The following NXPE4 variants were observed in gnomAD, a reference collection of about 807,000 sequenced individuals.
NXPE4 encodes the protein neurexophilin and PC-esterase domain family member 4, also known as NXPE family member 4.
Under a neutral mutation model 33.3 loss-of-function variants are expected in NXPE4, and 42 were observed. The observed-to-expected ratio is 1.26, with a 90% CI of 0.98 to 1.63. The LOEUF is 1.63. NXPE4 is among the 40% of genes most tolerant of loss of function. The pLI is 0.00. For synonymous variants in NXPE4, 253 were observed against 234.9 expected, an observed-to-expected ratio of 1.08 and a Z score of -0.71; for missense variants, 709 against 647.6, an observed-to-expected ratio of 1.09 and a Z score of -1.03.
the NXPE4 span, among the ~76,000 whole-genome samples, chr11:114,663,110 A>G: frequency 6.6e-6 from 1 of 152,098 alleles, no homozygotes; most frequent in South Asian, 2.1e-4. Flanking sequence ...CATTCACCAA[A>G]GGCTGACTGA....
chr11:114,613,183 C>G, the NXPE4 span, among the ~76,000 whole-genome samples: 1 of 151,682 alleles, frequency 6.6e-6, no homozygotes, highest in Non-Finnish European at 1.5e-5. Context: ...AGTGTTGCCT[C>G]TAGGGTAACC....
chr11:114,590,045 G>T (rs1185377418), intron 2 of NXPE4, among the ~76,000 whole-genome samples: 3 of 152,160 alleles, frequency 2.0e-5, no homozygotes, highest in African/African-American at 7.2e-5. Context: ...TTTGAAGAAT[G>T]CTTCTGGCCA....
chr11:114,586,619 G>A lies in NXPE4; in HGVS notation c.97-3598C>T, dbSNP rs933189455. On this transcript the variant is annotated intron_variant, in intron 2 of 5. Coordinates refer to ENST00000375478, the MANE Select transcript of NXPE4 (RefSeq NM_001077639.2). The stretch of plus-strand genomic sequence containing the variant: ...TTGGTTTCCTTTTACAGAGAGCCTT[G>A]CTGTCATGTGGGGCTGGAAGAGGTT... 5.0e-4 allele frequency among the ~76,000 whole-genome samples: 76 copies of A among 152,210 alleles called. 1 individual carries two copies. The highest frequency in any genetic ancestry group is 1.5e-3 in the African/African-American group (62 of 41,532).
At chr11:114,655,310 CA>C in the NXPE4 span, among the ~76,000 whole-genome samples, 1 of 152,148 alleles carries the variant, frequency 6.6e-6, no homozygotes, top group Non-Finnish European at 1.5e-5. Flanking sequence ...TTTTGCTGTG[CA>C]AAAACTCTTT....
intron 2 of NXPE4, among the ~76,000 whole-genome samples, chr11:114,594,365 A>G (rs1016715426): frequency 5.3e-5 from 8 of 152,178 alleles, no homozygotes; most frequent in Non-Finnish European, 7.4e-5. Flanking sequence ...AACCAAAAAT[A>G]TAGATATTCT....
At chr11:114,643,390 G>A in the NXPE4 span, among the ~76,000 whole-genome samples, 11 of 152,062 alleles carry the variant, frequency 7.2e-5, no homozygotes, top group African/African-American at 2.4e-4. Flanking sequence ...ATAGCTTTAG[G>A]TCTTACATTT....
At chr11:114,657,048 T>C in the NXPE4 span, among the ~76,000 whole-genome samples, 2 of 152,096 alleles carry the variant, frequency 1.3e-5, no homozygotes, top group Non-Finnish European at 2.9e-5. Flanking sequence ...GAGCTGAGAT[T>C]GCGCCACTGC....
the NXPE4 span, among the ~76,000 whole-genome samples, chr11:114,656,576 A>T: frequency 3.9e-5 from 6 of 152,222 alleles, no homozygotes; most frequent in Non-Finnish European, 7.4e-5. Flanking sequence ...TGATAAGTTA[A>T]TTGCATGAAA....
the NXPE4 span, among the ~76,000 whole-genome samples, chr11:114,668,005 A>T: frequency 6.6e-6 from 1 of 152,042 alleles, no homozygotes; most frequent in Non-Finnish European, 1.5e-5. Context: ...CACTATTTGT[A>T]ACAGTGAGGT....
chr11:114,605,269 A>G, the NXPE4 span, among the ~76,000 whole-genome samples: 1 of 151,834 alleles, frequency 6.6e-6, no homozygotes, highest in Admixed American at 6.6e-5. Flanking sequence ...GTGGGAAACC[A>G]CTGTTACCTG....
At chr11:114,587,171 CT>C (rs1357567767) in intron 2 of NXPE4, among the ~76,000 whole-genome samples, 1 of 152,138 alleles carries the variant, frequency 6.6e-6, no homozygotes. Context: ...AACAAGAAAA[CT>C]CTGTCTTCAA....
At chr11:114,641,886 G>T in the NXPE4 span, among the ~76,000 whole-genome samples, 2 of 152,094 alleles carry the variant, frequency 1.3e-5, no homozygotes, top group South Asian at 4.2e-4. Flanking sequence ...CATCTGAATT[G>T]GTGTTCTCAT....
chr11:114,620,235 T>C, the NXPE4 span, among the ~76,000 whole-genome samples: 6 of 146,616 alleles, frequency 4.1e-5, no homozygotes, highest in Non-Finnish European at 7.5e-5. Flanking sequence ...CTGTTATCCG[T>C]TGGATAATAA....
At chr11:114,602,286 GTTATCT>G in the NXPE4 span, among the ~76,000 whole-genome samples, 1 of 111,886 alleles carries the variant, frequency 8.9e-6, no homozygotes, top group Non-Finnish European at 1.6e-5. Context: ...CTATATATAT[GTTATCT>G]ATAACATATA....
the NXPE4 span, among the ~76,000 whole-genome samples, chr11:114,617,681 A>G: frequency 6.6e-6 from 1 of 152,140 alleles, no homozygotes; most frequent in Non-Finnish European, 1.5e-5. Flanking sequence ...TACCCGGTGG[A>G]TAAAAAGTAC....
At chr11:114,619,263 A>G in the NXPE4 span, among the ~76,000 whole-genome samples, 110 of 145,422 alleles carry the variant, frequency 7.6e-4, no homozygotes, top group African/African-American at 2.0e-3. Flanking sequence ...TGAGTAATCA[A>G]TGGTACCTGG....
chr11:114,650,787 G>T, the NXPE4 span, among the ~76,000 whole-genome samples: 1 of 152,096 alleles, frequency 6.6e-6, no homozygotes, highest in African/African-American at 2.4e-5. Context: ...ACTCTGGAAA[G>T]ACTCTCTCTA....
In NXPE4 at chr11:114,582,849, T is replaced by G; in HGVS notation, c.269A>C (p.His90Pro). The change falls in exon 3 of 6, where the codon CAC becomes CCC. Residue 90 changes from histidine to proline, a missense_variant. Coordinates refer to ENST00000375478, the MANE Select transcript of NXPE4 (RefSeq NM_001077639.2). ...DQQIPPRPFT[H>P]VNTTTSATHS... Reference sequence around the variant, plus strand: ...TGTGGCGCTGGTGGTGGTGTTCACGTGGGTGAAAGGTCTGGGTGGGATCTG... The same window carrying G: ...TGTGGCGCTGGTGGTGGTGTTCACGGGGGTGAAAGGTCTGGGTGGGATCTG... 6.2e-7 allele frequency: 1 copy of G among 1,614,144 alleles called. No individual in the cohort carries two copies. The highest frequency in any genetic ancestry group is 8.5e-7 in the Non-Finnish European group (1 of 1,180,006).
At chr11:114,576,057 G>A (rs994024818) in intron 5 of NXPE4, among the ~76,000 whole-genome samples, 1 of 152,060 alleles carries the variant, frequency 6.6e-6, no homozygotes, top group African/African-American at 2.4e-5. Flanking sequence ...AATACTTACA[G>A]CCAACTGATC....
Sources: gnomAD v4.1 joint callset for allele counts (sites outside exome capture counted in the v4.1 genomes callset) on GRCh38, gnomAD v4.1.1 for gene constraint, MANE v1.5 for transcripts, NCBI Gene and HGNC (gene_info 2026-07-23, HGNC 2026-07-21) for gene names.